The following AOPEP variants were observed in gnomAD, a reference collection of about 807,000 sequenced individuals.
AOPEP encodes the protein aminopeptidase O (putative).
A neutral mutation model predicts 98.1 loss-of-function variants in AOPEP; 77 were observed. That is an observed-to-expected ratio of 0.78 (90% CI 0.65 to 0.95). The LOEUF is 0.95. AOPEP is among the 40% of genes least tolerant of loss of function. The pLI is 0.00. For synonymous variants in AOPEP, 346 were observed against 365.3 expected, an observed-to-expected ratio of 0.95 and a Z score of 0.60; for missense variants, 1,024 against 1,024.7, an observed-to-expected ratio of 1.00 and a Z score of 0.01.
At chr9:94,744,613 A>G (rs948841919) in intron 1 of AOPEP, among the ~76,000 whole-genome samples, 2 of 150,498 alleles carry the variant, frequency 1.3e-5, no homozygotes, top group African/African-American at 4.9e-5. Flanking sequence ...AGGCAGGAGA[A>G]TCACTTCAAC....
In AOPEP at chr9:94,763,802, T is replaced by C. The variant is rs147015716; in HGVS notation, c.797+3222T>C. 7.2e-5 allele frequency among the ~76,000 whole-genome samples: 11 copies of C among 152,176 alleles called. No individual in the cohort carries two copies. The East Asian group carries it at 1.7e-3, about 24-fold the overall frequency. On this transcript the variant is annotated intron_variant, in intron 2 of 16. Transcript: ENST00000375315. ...GCCCCAAGCCAAGCAACAAAACATA[T>C]CAAGTAGTTTCGAATGACATCCAAA... is the stretch of plus-strand genomic sequence containing the variant.
intron 13 of AOPEP, among the ~76,000 whole-genome samples, chr9:95,040,851 A>G (rs1050099413): frequency 5.3e-5 from 8 of 152,212 alleles, no homozygotes; most frequent in Admixed American, 2.0e-4. Context: ...CCCAAAGATA[A>G]AAATATTGAT....
chr9:95,015,034 A>G (rs2062863311), intron 13 of AOPEP, among the ~76,000 whole-genome samples: 2 of 152,174 alleles, frequency 1.3e-5, no homozygotes, highest in Admixed American at 1.3e-4. Flanking sequence ...TGATAAATAA[A>G]TCCACAGCAG....
chr9:94,843,265 C>A (rs1475685656), intron 5 of AOPEP, among the ~76,000 whole-genome samples: 1 of 152,160 alleles, frequency 6.6e-6, no homozygotes, highest in Non-Finnish European at 1.5e-5. Context: ...CTTCCTGTTT[C>A]CCCACCCCAC....
chr9:94,903,471 T>C (rs149556485), intron 5 of AOPEP, among the ~76,000 whole-genome samples: 59 of 152,040 alleles, frequency 3.9e-4, no homozygotes, highest in African/African-American at 1.4e-3. Flanking sequence ...TGAAGATACA[T>C]GGAAATCCAA....
intron 13 of AOPEP, among the ~76,000 whole-genome samples, chr9:95,013,312 G>A (rs1252796215): frequency 6.7e-6 from 1 of 149,150 alleles, no homozygotes. Context: ...TTCTGCTCTT[G>A]TGTATTGATT....
intron 5 of AOPEP, chr9:94,921,285 C>G (rs2053586000): frequency 6.6e-6 from 1 of 152,286 alleles, no homozygotes; most frequent in East Asian, 1.9e-4. Context: ...GGACCATGAG[C>G]ACAGTTCCAA....
intron 5 of AOPEP, among the ~76,000 whole-genome samples, chr9:94,841,778 A>G (rs2042302542): frequency 6.6e-6 from 1 of 152,128 alleles, no homozygotes; most frequent in Admixed American, 6.5e-5. Context: ...CTAGCTGGGC[A>G]CAGTGACTCA....
At chr9:95,004,272 G>A (rs1328904792) in intron 11 of AOPEP, 2 of 456,562 alleles carry the variant, frequency 4.4e-6, no homozygotes, top group Non-Finnish European at 8.8e-6. Flanking sequence ...TTGGGGTATC[G>A]CACATTTTTA....
intron 16 of AOPEP, among the ~76,000 whole-genome samples, chr9:95,083,891 G>A (rs2070237994): frequency 1.3e-5 from 2 of 152,210 alleles, no homozygotes. Flanking sequence ...CACTTCCTCT[G>A]TTAATTGTGC....
intron 9 of AOPEP, among the ~76,000 whole-genome samples, chr9:94,959,189 G>A (rs1656879963): frequency 6.6e-6 from 1 of 151,938 alleles, no homozygotes; most frequent in Non-Finnish European, 1.5e-5. Context: ...GACTACAGGT[G>A]CCCGCCACCA....
At chr9:94,898,539 A>C (rs1376040176) in intron 5 of AOPEP, among the ~76,000 whole-genome samples, 2 of 151,912 alleles carry the variant, frequency 1.3e-5, no homozygotes, top group Admixed American at 6.6e-5. Context: ...GCTTGAAGGC[A>C]GGAGAATCGC....
intron 4 of AOPEP, among the ~76,000 whole-genome samples, chr9:94,793,260 A>G (rs2133487885): frequency 6.6e-6 from 1 of 152,196 alleles, no homozygotes; most frequent in East Asian, 1.9e-4. Context: ...AGGCAGGAGA[A>G]TGGCTTGAAC....
intron 5 of AOPEP, among the ~76,000 whole-genome samples, chr9:94,838,975 A>G (rs1360926287): frequency 3.5e-5 from 5 of 144,530 alleles, no homozygotes; most frequent in African/African-American, 1.3e-4. Flanking sequence ...CAGTGGCGCA[A>G]TCTCGGCTCA....
chr9:95,129,366 A>G, the AOPEP span, among the ~76,000 whole-genome samples: 1 of 152,186 alleles, frequency 6.6e-6, no homozygotes, highest in Non-Finnish European at 1.5e-5. Context: ...TCTTATCAAG[A>G]TAATCTTCCA....
At chr9:94,870,397 AGTCT>A (rs967511478) in intron 5 of AOPEP, among the ~76,000 whole-genome samples, 6 of 152,246 alleles carry the variant, frequency 3.9e-5, no homozygotes, top group South Asian at 2.1e-4. Context: ...CTAGACTACC[AGTCT>A]GTCTGGCAGA....
intron 5 of AOPEP, among the ~76,000 whole-genome samples, chr9:94,834,125 C>T (rs2041253666): frequency 6.6e-6 from 1 of 152,108 alleles, no homozygotes; most frequent in Non-Finnish European, 1.5e-5. Flanking sequence ...ATAGAAATAT[C>T]TGATAGGCAA....
chr9:94,766,409 C>A (rs374321205), intron 2 of AOPEP, among the ~76,000 whole-genome samples: 1 of 152,136 alleles, frequency 6.6e-6, no homozygotes, highest in South Asian at 2.1e-4. Flanking sequence ...TGGTGGCGGG[C>A]GCCCGTTGTC....
intron 5 of AOPEP, among the ~76,000 whole-genome samples, chr9:94,801,654 A>T (rs989228229): frequency 3.3e-5 from 5 of 152,202 alleles, no homozygotes; most frequent in Admixed American, 6.5e-5. Context: ...ATTTAAGCTA[A>T]AATCTATTAA....
Sources: allele counts gnomAD v4.1 joint callset (sites outside exome capture counted in the v4.1 genomes callset), GRCh38; gene constraint gnomAD v4.1.1; transcripts MANE v1.5; gene names NCBI Gene and HGNC (gene_info 2026-07-23, HGNC 2026-07-21).